SLC5A4: variants seen among roughly 807,000 people sequenced by gnomAD.
The protein encoded by SLC5A4 is solute carrier family 5 member 4, also known as probable glucose sensor protein SLC5A4.
A neutral mutation model predicts 70.3 loss-of-function variants in SLC5A4; 55 were observed. The ratio of observed to expected loss-of-function variants is 0.78; its 90% CI spans 0.63 to 0.98. The LOEUF is 0.98. Among genes scored for constraint, SLC5A4 ranks in the 50% least tolerant of loss-of-function variants. The pLI is 0.00. For synonymous variants in SLC5A4, 268 were observed against 305.7 expected, an observed-to-expected ratio of 0.88 and a Z score of 1.29; for missense variants, 735 against 839.2, an observed-to-expected ratio of 0.88 and a Z score of 1.53.
intron 2 of SLC5A4, among the ~76,000 whole-genome samples, chr22:32,253,567 G>C (rs184898864): frequency 2.0e-5 from 3 of 152,312 alleles, no homozygotes; most frequent in East Asian, 3.9e-4. Context: ...GCCAGGAGAA[G>C]ACTCTTGATA....
At chr22:32,340,358 C>A in the SLC5A4 span, among the ~76,000 whole-genome samples, 1 of 152,210 alleles carries the variant, frequency 6.6e-6, no homozygotes, top group African/African-American at 2.4e-5. Context: ...TTCATTCATG[C>A]AACATGGATG....
At chr22:32,333,172 C>T in the SLC5A4 span, among the ~76,000 whole-genome samples, 1 of 149,826 alleles carries the variant, frequency 6.7e-6, no homozygotes, top group South Asian at 2.1e-4. Flanking sequence ...GACTCCCAGC[C>T]CAGGACTCTG....
chr22:32,285,446 G>T, the SLC5A4 span, among the ~76,000 whole-genome samples: 3 of 152,126 alleles, frequency 2.0e-5, no homozygotes, highest in Non-Finnish European at 4.4e-5. Flanking sequence ...ATTTGTGCAT[G>T]TTCTCTGTAT....
At chr22:32,257,906 G>A (rs1411154350), upstream of SLC5A4, among the ~76,000 whole-genome samples, 1 of 151,254 alleles carries the variant, frequency 6.6e-6, no homozygotes, top group Non-Finnish European at 1.5e-5. Flanking sequence ...CTGACCGCAG[G>A]TAATTCTCCC....
the SLC5A4 span, among the ~76,000 whole-genome samples, chr22:32,325,336 T>C: frequency 2.0e-5 from 3 of 152,192 alleles, no homozygotes; most frequent in Admixed American, 6.5e-5. Flanking sequence ...CAGTGGTGAG[T>C]GTCTAGCAGT....
chr22:32,263,576 T>C, the SLC5A4 span, among the ~76,000 whole-genome samples: 44 of 152,110 alleles, frequency 2.9e-4, 1 homozygote, highest in Non-Finnish European at 4.7e-4. Context: ...TGTGGAGAAA[T>C]AGGAACACTT....
intron 6 of SLC5A4, among the ~76,000 whole-genome samples, chr22:32,237,900 A>G (rs2145673351): frequency 6.6e-6 from 1 of 152,244 alleles, no homozygotes; most frequent in Admixed American, 6.5e-5. Flanking sequence ...GTGTCATGAG[A>G]AAATAAGATG....
At chr22:32,328,539 A>C in the SLC5A4 span, among the ~76,000 whole-genome samples, 103,254 of 151,844 alleles carry the variant, frequency 0.68, 35,154 homozygotes, top group East Asian at 0.75. Context: ...GCAACTGACA[A>C]CGCCAACCAA....
chr22:32,319,169 C>G, the SLC5A4 span, among the ~76,000 whole-genome samples: 3 of 152,188 alleles, frequency 2.0e-5, no homozygotes, highest in Non-Finnish European at 4.4e-5. Context: ...TCTCCTGGCT[C>G]TCAGGCCCTT....
chr22:32,223,756 C>T (rs564203487), intron 13 of SLC5A4, among the ~76,000 whole-genome samples: 46 of 152,140 alleles, frequency 3.0e-4, no homozygotes, highest in Non-Finnish European at 2.9e-5. Flanking sequence ...ATATAATGTC[C>T]ATTTTCTAAT....
chr22:32,307,155 G>A, the SLC5A4 span, among the ~76,000 whole-genome samples: 8 of 91,964 alleles, frequency 8.7e-5, no homozygotes, highest in Non-Finnish European at 1.4e-4. Flanking sequence ...TGTCGTGAAT[G>A]GTGCCTACTG....
At chr22:32,268,804 T>C in the SLC5A4 span, among the ~76,000 whole-genome samples, 4 of 152,226 alleles carry the variant, frequency 2.6e-5, no homozygotes, top group East Asian at 5.8e-4. Flanking sequence ...GTAGTCGCCA[T>C]TGGCTGCAGA....
chr22:32,306,474 AAAAC>A, the SLC5A4 span, among the ~76,000 whole-genome samples: 58 of 150,220 alleles, frequency 3.9e-4, no homozygotes, highest in Admixed American at 1.5e-3. Context: ...TCAAAAAAAA[AAAAC>A]AAAAACTACT....
the SLC5A4 span, chr22:32,276,654 C>T: frequency 4.6e-5 from 7 of 151,986 alleles, no homozygotes; most frequent in African/African-American, 1.2e-4. Context: ...TTAAATATCC[C>T]GTAATTCTGA....
the SLC5A4 span, among the ~76,000 whole-genome samples, chr22:32,330,454 G>GT: frequency 4.7e-5 from 4 of 84,580 alleles, no homozygotes; most frequent in Non-Finnish European, 1.0e-4. Context: ...GAGGCTCTGG[G>GT]GTGTGTGTGT....
the SLC5A4 span, among the ~76,000 whole-genome samples, chr22:32,302,746 TTGAG>T: frequency 2.6e-5 from 4 of 152,180 alleles, no homozygotes; most frequent in African/African-American, 9.7e-5. Context: ...TAAAATTGGG[TTGAG>T]TGATTACCCC....
the SLC5A4 span, among the ~76,000 whole-genome samples, chr22:32,333,471 C>T: frequency 6.6e-6 from 1 of 152,160 alleles, no homozygotes; most frequent in Admixed American, 6.5e-5. Flanking sequence ...ATCCCCAGTC[C>T]TGGCCTGGGG....
upstream of SLC5A4, among the ~76,000 whole-genome samples, chr22:32,257,036 T>C (rs767637782): frequency 4.6e-5 from 7 of 152,252 alleles, no homozygotes; most frequent in Non-Finnish European, 1.0e-4. Flanking sequence ...CCACAGTGCA[T>C]AGGAGAGTTA....
chr22:32,308,234 G>A, the SLC5A4 span, among the ~76,000 whole-genome samples: 1 of 152,128 alleles, frequency 6.6e-6, no homozygotes. Context: ...TGTTGATGGG[G>A]ACCAGTACAC....
Sources: allele counts gnomAD v4.1 joint callset (sites outside exome capture counted in the v4.1 genomes callset), GRCh38; gene constraint gnomAD v4.1.1; transcripts MANE v1.5; gene names NCBI Gene and HGNC (gene_info 2026-07-23, HGNC 2026-07-21).